Variants in NTM observed in about 807,000 individuals in gnomAD.
NTM encodes neurotrimin, also known as IgLON family member 2.
Under a neutral mutation model 42.1 loss-of-function variants are expected in NTM, and 13 were observed. That is an observed-to-expected ratio of 0.31 (90% confidence interval 0.20 to 0.49). The LOEUF (loss-of-function observed/expected upper bound fraction) is 0.49, where lower values mean the gene tolerates loss of function less well. NTM is among the 20% of genes least tolerant of loss of function. The pLI, the probability that NTM is intolerant of heterozygous loss-of-function variation, is 0.99. For missense variants in NTM, 373 were observed against 452.8 expected, an observed-to-expected ratio of 0.82 and a Z score of 1.60; for synonymous variants, 187 against 179.2, an observed-to-expected ratio of 1.04 and a Z score of -0.35.
chr11:132,010,129 A>G (rs1299113399), intron 2 of NTM, among the ~76,000 whole-genome samples: 3 of 152,244 alleles, frequency 2.0e-5, no homozygotes, highest in Non-Finnish European at 4.4e-5. Context: ...ACGGCTGTTC[A>G]TGTAATACCT....
At chr11:132,268,679 T>A (rs570102914) in intron 4 of NTM, among the ~76,000 whole-genome samples, 1 of 151,556 alleles carries the variant, frequency 6.6e-6, no homozygotes, top group East Asian at 1.9e-4. Context: ...TCTGTGTGTG[T>A]GTGTGTGTGT....
At chr11:131,495,347 G>T (rs1955227343) in intron 1 of NTM, among the ~76,000 whole-genome samples, 1 of 152,224 alleles carries the variant, frequency 6.6e-6, no homozygotes, top group African/African-American at 2.4e-5. Flanking sequence ...GCGCTTTGCA[G>T]ATTGCGTGTT....
At position 131,910,885 on chromosome 11, in the gene NTM, G is replaced by A. The variant is rs1368502028; in HGVS notation, c.83-679G>A. The A allele has an allele frequency of 1.5e-5, 15 of 985,392 alleles. No homozygotes were observed. The African/African-American group carries it at 1.6e-4, about 10-fold the overall frequency. 61.0% of individuals were successfully genotyped at this position (985,392 alleles called of 1,614,324 possible). A position where few individuals can be genotyped will look rare whatever the true frequency, so the allele number is the denominator to read the frequency against. ...GCGGCTGCCGCAGGATCCCGGGCCC[G>A]GATCGCACGAAGCCCGCGCGGCCGT... On this transcript the variant is annotated intron_variant, in intron 1 of 8. Coordinates refer to ENST00000683400, the MANE Select transcript of NTM (RefSeq NM_001352005.2).
At chr11:131,873,079 A>G (rs1449182460) in intron 1 of NTM, among the ~76,000 whole-genome samples, 3 of 152,206 alleles carry the variant, frequency 2.0e-5, no homozygotes, top group Admixed American at 1.3e-4. Flanking sequence ...TTATTGCAGC[A>G]CCATTTACAA....
rs564286731 is a variant in NTM, at chr11:131,971,281, C to T, written c.167+59633C>T. Among the ~76,000 whole-genome samples, 28 of 152,300 alleles carry T rather than the reference C, an allele frequency of 1.8e-4. No homozygotes were observed. In the South Asian group the frequency reaches 5.6e-3, roughly 30 times the overall value. The stretch of plus-strand genomic sequence containing the variant: ...AACCATGTTCACGGGTGTAAAATGA[C>T]ACCTCACTGTTATTTTCATTTGCAT... On this transcript the variant is annotated intron_variant, in intron 2 of 8. Coordinates refer to ENST00000683400, the MANE Select transcript of NTM (RefSeq NM_001352005.2).
intron 4 of NTM, among the ~76,000 whole-genome samples, chr11:132,247,179 T>C (rs995505884): frequency 6.6e-6 from 1 of 152,190 alleles, no homozygotes; most frequent in Non-Finnish European, 1.5e-5. Context: ...TTGATCGCCC[T>C]GTGGTTTGCC....
Position 132,196,288 on chromosome 11 carries a change from G to A in NTM, c.401-15734G>A, listed in dbSNP as rs554049555. ...GTCAGAATGCTATTATTAAAAAGTC[G>A]AAAAGCAACAGATGTTGGCAAAATT... On this transcript the variant is annotated intron_variant, in intron 3 of 8. Transcript: ENST00000683400. 4.6e-5 allele frequency among the ~76,000 whole-genome samples: 7 copies of A among 152,138 alleles called. No homozygotes were observed. In the East Asian group the frequency reaches 7.7e-4, roughly 17 times the overall value.
At chr11:131,510,610 C>T (rs767383707) in intron 1 of NTM, among the ~76,000 whole-genome samples, 24 of 152,214 alleles carry the variant, frequency 1.6e-4, no homozygotes, top group Non-Finnish European at 2.2e-4. Flanking sequence ...CAATTTCTAT[C>T]TATCATATCA....
intron 1 of NTM, among the ~76,000 whole-genome samples, chr11:131,782,086 G>A (rs995048533): frequency 1.3e-5 from 2 of 152,084 alleles, no homozygotes; most frequent in South Asian, 2.1e-4. Flanking sequence ...GACAAAAGAA[G>A]GGTTATAATA....
intron 3 of NTM, among the ~76,000 whole-genome samples, chr11:132,186,157 G>A (rs1262542837): frequency 2.0e-5 from 3 of 152,168 alleles, no homozygotes; most frequent in Admixed American, 1.3e-4. Flanking sequence ...GGAGCCTCTG[G>A]TGACCAGAAC....
chr11:131,695,406 A>C (rs918121595), intron 1 of NTM, among the ~76,000 whole-genome samples: 3 of 152,184 alleles, frequency 2.0e-5, no homozygotes, highest in Admixed American at 6.5e-5. Flanking sequence ...TCATGCCGGC[A>C]CATGTTTTCA....
At chr11:132,065,873 C>G (rs560383769) in intron 2 of NTM, among the ~76,000 whole-genome samples, 3 of 152,312 alleles carry the variant, frequency 2.0e-5, no homozygotes, top group East Asian at 3.9e-4. Flanking sequence ...TCTGTGAGCA[C>G]GTGGACTTGC....
chr11:131,401,806 A>ATATATATATATATATATATATATATGTG (rs1945175862), intron 1 of NTM, among the ~76,000 whole-genome samples: 1 of 5,826 alleles, frequency 1.7e-4, no homozygotes, highest in Non-Finnish European at 3.0e-4. Context: ...GGAAATATAT[A>ATATATATATATATATATATATATATGTG]TATATATATA....
chr11:131,823,299 G>A (rs909475589), intron 1 of NTM, among the ~76,000 whole-genome samples: 1 of 152,174 alleles, frequency 6.6e-6, no homozygotes, highest in East Asian at 1.9e-4. Flanking sequence ...TCAGCCTTCA[G>A]CCTCTCACAG....
At chr11:131,866,358 G>A (rs2047214531) in intron 1 of NTM, among the ~76,000 whole-genome samples, 1 of 152,262 alleles carries the variant, frequency 6.6e-6, no homozygotes, top group Admixed American at 6.5e-5. Flanking sequence ...CAGGTTGCTG[G>A]CTGTGTTTTG....
chr11:132,264,394 G>A (rs2093051685), intron 4 of NTM, among the ~76,000 whole-genome samples: 1 of 152,108 alleles, frequency 6.6e-6, no homozygotes, highest in African/African-American at 2.4e-5. Context: ...TATACATTAT[G>A]GACGTTAACC....
chr11:131,390,222 G>A (rs1943828915), intron 1 of NTM, among the ~76,000 whole-genome samples: 1 of 152,116 alleles, frequency 6.6e-6, no homozygotes, highest in African/African-American at 2.4e-5. Context: ...AGAGAGGAGA[G>A]GGAGGTGCCA....
At chr11:132,312,684 G>A (rs2136124109) in intron 6 of NTM, 1 of 154,956 alleles carries the variant, frequency 6.5e-6, no homozygotes, top group South Asian at 2.0e-4. Context: ...CTCATTCACA[G>A]TTTGGTTATG....
intron 1 of NTM, among the ~76,000 whole-genome samples, chr11:131,692,265 C>G (rs1476034650): frequency 6.6e-6 from 1 of 152,228 alleles, no homozygotes; most frequent in Non-Finnish European, 1.5e-5. Context: ...TAGTCCATCT[C>G]CCATGCAGAT....
Sources: allele counts gnomAD v4.1 joint callset (sites outside exome capture counted in the v4.1 genomes callset), GRCh38; gene constraint gnomAD v4.1.1; transcripts MANE v1.5; gene names NCBI Gene and HGNC (gene_info 2026-07-23, HGNC 2026-07-21).